The following PCDHA1 variants were observed in gnomAD, a reference collection of about 807,000 sequenced individuals.
PCDHA1 encodes the protein protocadherin alpha-1.
PCDHA1 carries 42 observed loss-of-function variants against 61.3 expected under a neutral mutation model. That is an observed-to-expected ratio of 0.69 (90% confidence interval 0.54 to 0.89). PCDHA1 has a LOEUF of 0.89. Among genes scored for constraint, PCDHA1 ranks in the 40% least tolerant of loss-of-function variants. PCDHA1 has a pLI of 0.00. For missense variants in PCDHA1, 1,256 were observed against 1,235.3 expected (o/e 1.02, Z -0.25); for synonymous variants, 610 against 553.8 (o/e 1.10, Z -1.43).
chr5:140,794,749 T>C (rs1202325448), intron 1 of PCDHA1: 3 of 538,036 alleles, frequency 5.6e-6, no homozygotes, highest in Non-Finnish European at 9.6e-6. Context: ...CGACTAGTTT[T>C]AAATCTACAG....
At chr5:140,808,639 G>T (rs782266582) in intron 1 of PCDHA1, 1 of 1,613,450 alleles carries the variant, frequency 6.2e-7, no homozygotes, top group Non-Finnish European at 8.5e-7. Context: ...ACGCGGACGC[G>T]CAGGAGAACG....
At chr5:140,949,453 A>T (rs1284957540) in intron 1 of PCDHA1, among the ~76,000 whole-genome samples, 4 of 151,762 alleles carry the variant, frequency 2.6e-5, no homozygotes, top group African/African-American at 9.7e-5. Flanking sequence ...TGCTTCATGT[A>T]ATTTGAAGCC....
Position 140,828,935 on chromosome 5 carries a change from A to T in PCDHA1, c.2394+40251A>T, listed in dbSNP as rs2150160938. The T allele has an allele frequency of 3.7e-6, 6 of 1,614,120 alleles. No individual in the cohort carries two copies. In the African/African-American group the frequency reaches 8.0e-5, roughly 22 times the overall value. ...GAATGGGGCAATTTCATATTCTTTTAATAGCCTTGTTGCAGCCATGGTTAT... is the reference window on the plus strand; with the variant it reads ...GAATGGGGCAATTTCATATTCTTTTTATAGCCTTGTTGCAGCCATGGTTAT... On this transcript the variant is annotated intron_variant, in intron 1 of 3. Transcript: ENST00000504120.
At chr5:140,936,163 G>A (rs2090818025) in intron 1 of PCDHA1, among the ~76,000 whole-genome samples, 1 of 152,090 alleles carries the variant, frequency 6.6e-6, no homozygotes, top group African/African-American at 2.4e-5. Flanking sequence ...AAAGTGCTGG[G>A]ATTAGAGGCC....
intron 3 of PCDHA1, among the ~76,000 whole-genome samples, chr5:141,000,522 G>A (rs1294045842): frequency 4.2e-5 from 6 of 143,688 alleles, no homozygotes; most frequent in African/African-American, 1.6e-4. Context: ...CCTTCTCCAG[G>A]GTTCAAGTGA....
chr5:140,850,279 G>C (rs140634296), intron 1 of PCDHA1: 2 of 1,595,566 alleles, frequency 1.3e-6, no homozygotes, highest in African/African-American at 1.3e-5. Context: ...GGGAAGGTGC[G>C]CGCAGTGGAC....
chr5:140,891,767 A>C (rs1350557618), intron 1 of PCDHA1, among the ~76,000 whole-genome samples: 2 of 152,156 alleles, frequency 1.3e-5, no homozygotes, highest in African/African-American at 2.4e-5. Context: ...GAGGTGGGGA[A>C]TTTCAGGAAA....
At chr5:140,843,377 G>A (rs2150358675) in intron 1 of PCDHA1, 17 of 1,596,146 alleles carry the variant, frequency 1.1e-5, no homozygotes, top group Middle Eastern at 1.7e-4. Context: ...GTCGGCTGGC[G>A]TTTTGGGTCC....
intron 1 of PCDHA1, among the ~76,000 whole-genome samples, chr5:140,893,662 A>C (rs1462433571): frequency 6.6e-6 from 1 of 152,204 alleles, no homozygotes; most frequent in Non-Finnish European, 1.5e-5. Flanking sequence ...GTTTTAAAAA[A>C]TTTCAGCACT....
chr5:140,792,342 C>T (rs1554118787), intron 1 of PCDHA1, among the ~76,000 whole-genome samples: 1 of 152,176 alleles, frequency 6.6e-6, no homozygotes, highest in East Asian at 1.9e-4. Flanking sequence ...TCAAGATCCT[C>T]ATCTTTGTTA....
intron 1 of PCDHA1, among the ~76,000 whole-genome samples, chr5:140,977,927 T>G (rs1214119079): frequency 6.6e-6 from 1 of 152,180 alleles, no homozygotes; most frequent in Non-Finnish European, 1.5e-5. Context: ...TTCATTCAAC[T>G]ATACCTCAAT....
intron 1 of PCDHA1, among the ~76,000 whole-genome samples, chr5:140,932,779 G>T (rs556279743): frequency 3.9e-5 from 6 of 151,910 alleles, no homozygotes; most frequent in Non-Finnish European, 8.9e-5. Context: ...TAATTTGAGT[G>T]GACATAAGAG....
At chr5:140,798,230 G>A (rs1227378097) in intron 1 of PCDHA1, among the ~76,000 whole-genome samples, 1 of 152,106 alleles carries the variant, frequency 6.6e-6, no homozygotes, top group Non-Finnish European at 1.5e-5. Flanking sequence ...ATTTCCAAAA[G>A]TATGTAGCAC....
chr5:140,842,587 G>A (rs1778112450), intron 1 of PCDHA1: 1 of 1,529,428 alleles, frequency 6.5e-7, no homozygotes, highest in Non-Finnish European at 8.9e-7. Flanking sequence ...CGGCCTATGA[G>A]TTGGTGGTAA....
At chr5:140,967,844 G>A in intron 1 of PCDHA1, 1 of 1,614,178 alleles carries the variant, frequency 6.2e-7, no homozygotes, top group Non-Finnish European at 8.5e-7. Flanking sequence ...GGACGTGAAT[G>A]ACAATGCCCC....
At chr5:140,828,140 C>T in intron 1 of PCDHA1, 1 of 1,613,974 alleles carries the variant, frequency 6.2e-7, no homozygotes, top group South Asian at 1.1e-5. Flanking sequence ...TCTGCTCCTC[C>T]CGCTTCTGCT....
At position 140,857,550 on chromosome 5, in the gene PCDHA1, G is replaced by A; in HGVS notation, c.2394+68866G>A. 4 of 1,596,852 alleles carry A rather than the reference G, an allele frequency of 2.5e-6. 1 individual carries two copies. The highest frequency in any genetic ancestry group is 3.4e-6 in the Non-Finnish European group (4 of 1,167,652). On this transcript the variant is annotated intron_variant, in intron 1 of 3. Coordinates refer to ENST00000504120, the MANE Select transcript of PCDHA1 (RefSeq NM_018900.4). ...CTGGTGGAGCGGCGGTTGGGCGAGC[G>A]CTCGCTGTCGAGCTACGTGTCGGTG...
At chr5:140,797,735 T>G (rs886294068) in intron 1 of PCDHA1, among the ~76,000 whole-genome samples, 2 of 152,260 alleles carry the variant, frequency 1.3e-5, no homozygotes, top group Non-Finnish European at 2.9e-5. Context: ...CAACTGACAC[T>G]GTCTATCCAA....
chr5:140,984,359 T>A (rs1372089743), intron 3 of PCDHA1, among the ~76,000 whole-genome samples: 1 of 152,242 alleles, frequency 6.6e-6, no homozygotes, highest in Non-Finnish European at 1.5e-5. Flanking sequence ...ATTTCATACA[T>A]CTGGCCAAGT....
Sources: gnomAD v4.1 joint callset for allele counts (sites outside exome capture counted in the v4.1 genomes callset) on GRCh38, gnomAD v4.1.1 for gene constraint, MANE v1.5 for transcripts, NCBI Gene and HGNC (gene_info 2026-07-23, HGNC 2026-07-21) for gene names.